The following ATRNL1 variants were observed in gnomAD, a reference collection of about 807,000 sequenced individuals.
The protein encoded by ATRNL1 is attractin-like protein 1.
A neutral mutation model predicts 182.7 loss-of-function variants in ATRNL1; 95 were observed. The ratio of observed to expected loss-of-function variants is 0.52; its 90% CI spans 0.44 to 0.62. ATRNL1 has a LOEUF of 0.62. Among genes scored for constraint, ATRNL1 ranks in the 20% least tolerant of loss-of-function variants. The probability of loss-of-function intolerance (pLI) is 0.00; values close to 1 mark genes in which losing one functional copy is unlikely to be tolerated. For missense variants in ATRNL1, 1,471 were observed against 1,679.5 expected (o/e 0.88, Z 2.17); for synonymous variants, 576 against 568.3 (o/e 1.01, Z -0.19).
At chr10:115,113,371 T>G (rs1449377406) in intron 1 of ATRNL1, among the ~76,000 whole-genome samples, 2 of 152,184 alleles carry the variant, frequency 1.3e-5, no homozygotes, top group Non-Finnish European at 2.9e-5. Context: ...TCATTAGGCA[T>G]CCACCTTATA....
chr10:115,253,217 A>T (rs768082800), intron 10 of ATRNL1, among the ~76,000 whole-genome samples: 23 of 152,196 alleles, frequency 1.5e-4, no homozygotes, highest in Admixed American at 4.6e-4. Context: ...TTGAGTTGTG[A>T]TGCTCGATGG....
intron 26 of ATRNL1, among the ~76,000 whole-genome samples, chr10:115,687,537 A>G (rs1555046703): frequency 6.6e-6 from 1 of 152,098 alleles, no homozygotes. Flanking sequence ...TAGGTTGGAC[A>G]TGGACATGGT....
intron 26 of ATRNL1, among the ~76,000 whole-genome samples, chr10:115,633,881 G>A (rs539134270): frequency 1.2e-4 from 18 of 152,078 alleles, no homozygotes; most frequent in African/African-American, 4.1e-4. Context: ...AGACATATTA[G>A]CATGGCTATA....
intron 28 of ATRNL1, among the ~76,000 whole-genome samples, chr10:115,909,160 C>A (rs1005889015): frequency 1.3e-5 from 2 of 151,842 alleles, no homozygotes; most frequent in African/African-American, 4.8e-5. Context: ...TAGGCGCAAT[C>A]CCCCTCCCCT....
At chr10:115,917,250 A>G (rs1952888850) in intron 28 of ATRNL1, among the ~76,000 whole-genome samples, 1 of 151,882 alleles carries the variant, frequency 6.6e-6, no homozygotes, top group Admixed American at 6.6e-5. Context: ...GTGGATCACG[A>G]GGTCAGGAGA....
At chr10:115,369,684 C>G (rs568831380) in intron 19 of ATRNL1, among the ~76,000 whole-genome samples, 5 of 152,164 alleles carry the variant, frequency 3.3e-5, no homozygotes, top group Admixed American at 6.5e-5. Context: ...AATTTACATT[C>G]CCCCCAACAA....
chr10:115,405,657 A>C (rs1249353738), intron 20 of ATRNL1, among the ~76,000 whole-genome samples: 8 of 152,030 alleles, frequency 5.3e-5, no homozygotes, highest in Middle Eastern at 3.2e-3. Flanking sequence ...ATTTCATTAT[A>C]TAATTATAAC....
intron 24 of ATRNL1, among the ~76,000 whole-genome samples, chr10:115,508,474 C>A (rs1273014160): frequency 6.6e-6 from 1 of 152,024 alleles, no homozygotes; most frequent in African/African-American, 2.4e-5. Flanking sequence ...CGGCCGAAAT[C>A]TAGGCCTCTT....
In ATRNL1 at chr10:115,215,884, A is replaced by T; in HGVS notation, c.1532+4A>T. On this transcript the variant is annotated splice_donor_region_variant and intron_variant, in intron 9 of 28. Coordinates refer to ENST00000355044, the MANE Select transcript of ATRNL1 (RefSeq NM_207303.4). Reference sequence around the variant, plus strand: ...ATGAAGTTAACACTAAGACTTGGTGAGTACACAAAATAACACATTTTCTAT... The same window carrying T: ...ATGAAGTTAACACTAAGACTTGGTGTGTACACAAAATAACACATTTTCTAT... The T allele has an allele frequency of 6.6e-7, 1 of 1,513,696 alleles. No individual in the cohort carries two copies. The highest frequency in any genetic ancestry group is 8.8e-7 in the Non-Finnish European group (1 of 1,133,250). 93.8% of individuals were successfully genotyped at this position (1,513,696 alleles called of 1,614,324 possible).
chr10:115,319,790 C>A (rs1854492439), intron 18 of ATRNL1, among the ~76,000 whole-genome samples: 1 of 151,550 alleles, frequency 6.6e-6, no homozygotes, highest in South Asian at 2.1e-4. Context: ...TGTGTCTTTG[C>A]CTATGAGATG....
At chr10:115,561,676 TGTGTGTGTGTGTGG>T (rs1402829350) in intron 26 of ATRNL1, among the ~76,000 whole-genome samples, 11 of 89,898 alleles carry the variant, frequency 1.2e-4, no homozygotes, top group African/African-American at 4.3e-4. Flanking sequence ...ACTCTGTGTG[TGTGTGTGTGTGTGG>T]GTGTGTGTGT....
chr10:115,802,026 A>T (rs1242981497), intron 27 of ATRNL1, among the ~76,000 whole-genome samples: 1 of 68,128 alleles, frequency 1.5e-5, no homozygotes, highest in African/African-American at 4.5e-5. Context: ...AAAGAAACAC[A>T]CACACACACA....
At chr10:115,616,931 G>A (rs1716919510) in intron 26 of ATRNL1, among the ~76,000 whole-genome samples, 1 of 152,228 alleles carries the variant, frequency 6.6e-6, no homozygotes, top group Non-Finnish European at 1.5e-5. Flanking sequence ...GATATGTCAG[G>A]TTGGAGCTCC....
In ATRNL1 at chr10:115,449,497, G is replaced by A. The variant is rs144732338; in HGVS notation, c.3323-12444G>A. 1.1e-3 allele frequency among the ~76,000 whole-genome samples: 160 copies of A among 152,310 alleles called. 1 individual carries two copies. Among genetic ancestry groups the A allele is most frequent in the African/African-American group, 3.7e-3 (155 of 41,570 alleles). On this transcript the variant is annotated intron_variant, in intron 21 of 28. Transcript: ENST00000355044. The stretch of plus-strand genomic sequence containing the variant: ...CTGGATGCTGAACAAGAGCTCAGGA[G>A]CCATGGGTATGGACACTTGAGCTAT...
At chr10:115,383,501 C>T (rs1280720743) in intron 19 of ATRNL1, among the ~76,000 whole-genome samples, 3 of 151,442 alleles carry the variant, frequency 2.0e-5, no homozygotes, top group African/African-American at 7.3e-5. Context: ...CAGACATTTT[C>T]CCTTACTGCG....
intron 27 of ATRNL1, among the ~76,000 whole-genome samples, chr10:115,815,609 T>G (rs1565403429): frequency 6.6e-6 from 1 of 152,154 alleles, no homozygotes; most frequent in Non-Finnish European, 1.5e-5. Context: ...TAGTGGACTG[T>G]CTTCAAGTGG....
At chr10:115,839,068 T>C (rs1950744337) in intron 27 of ATRNL1, among the ~76,000 whole-genome samples, 1 of 152,200 alleles carries the variant, frequency 6.6e-6, no homozygotes, top group African/African-American at 2.4e-5. Flanking sequence ...GCATTAAGAA[T>C]ATTGCCAAAT....
chr10:115,665,818 A>G (rs782640476), intron 26 of ATRNL1, among the ~76,000 whole-genome samples: 1 of 152,124 alleles, frequency 6.6e-6, no homozygotes, highest in Non-Finnish European at 1.5e-5. Context: ...TCACCCTATG[A>G]CTAGGACTCG....
intron 17 of ATRNL1, among the ~76,000 whole-genome samples, chr10:115,310,176 A>G (rs1853943460): frequency 1.3e-5 from 2 of 152,160 alleles, no homozygotes; most frequent in East Asian, 1.9e-4. Context: ...CATATGTTGA[A>G]CCATCCCTGG....
Sources: allele counts gnomAD v4.1 joint callset (sites outside exome capture counted in the v4.1 genomes callset), GRCh38; gene constraint gnomAD v4.1.1; transcripts MANE v1.5; gene names NCBI Gene and HGNC (gene_info 2026-07-23, HGNC 2026-07-21).